Variants in NEK1 observed in about 807,000 individuals in gnomAD.
The protein encoded by NEK1 is serine/threonine-protein kinase Nek1.
A neutral mutation model predicts 182.1 loss-of-function variants in NEK1; 137 were observed. The observed-to-expected ratio is 0.75, with a 90% CI of 0.65 to 0.87. The LOEUF is 0.87. Among genes scored for constraint, NEK1 ranks in the 40% least tolerant of loss-of-function variants. The pLI is 0.00. For missense variants in NEK1, 1,391 were observed against 1,494.4 expected (o/e 0.93, Z 1.14); for synonymous variants, 513 against 492.2 (o/e 1.04, Z -0.56).
intron 23 of NEK1, among the ~76,000 whole-genome samples, chr4:169,496,574 T>C (rs1180343525): frequency 6.6e-6 from 1 of 150,798 alleles, no homozygotes; most frequent in African/African-American, 2.5e-5. Context: ...TTGAGATACG[T>C]CCCATCAATA....
At chr4:169,423,831 T>C (rs749784554) in intron 31 of NEK1, among the ~76,000 whole-genome samples, 1 of 152,166 alleles carries the variant, frequency 6.6e-6, no homozygotes, top group Non-Finnish European at 1.5e-5. Flanking sequence ...CAATGGAATA[T>C]GTAGTTATTT....
chr4:169,512,983 C>G (rs767102539), intron 19 of NEK1, among the ~76,000 whole-genome samples: 3 of 152,106 alleles, frequency 2.0e-5, no homozygotes, highest in Non-Finnish European at 4.4e-5. Flanking sequence ...CACTACTATA[C>G]TGTTTTGATT....
intron 23 of NEK1, among the ~76,000 whole-genome samples, chr4:169,487,745 T>TAG (rs1200496430): frequency 3.9e-5 from 6 of 152,226 alleles, no homozygotes; most frequent in Admixed American, 3.9e-4. Flanking sequence ...CCACACTGTC[T>TAG]TCCAAAATGG....
intron 29 of NEK1, among the ~76,000 whole-genome samples, chr4:169,433,269 A>T (rs2149409209): frequency 6.6e-6 from 1 of 152,312 alleles, no homozygotes; most frequent in South Asian, 2.1e-4. Flanking sequence ...CATGTTGGCC[A>T]GGCTGGTCTT....
intron 25 of NEK1, 38 bp from the exon 26 acceptor site, chr4:169,477,390 C>T (rs762420820): frequency 6.4e-7 from 1 of 1,560,236 alleles, no homozygotes; most frequent in Non-Finnish European, 8.7e-7. Context: ...ATATGTATAT[C>T]ATTAAGTAAA....
intron 23 of NEK1, among the ~76,000 whole-genome samples, chr4:169,504,251 G>A (rs1338953939): frequency 6.6e-6 from 1 of 152,082 alleles, no homozygotes; most frequent in Non-Finnish European, 1.5e-5. Flanking sequence ...TGGAGAAAAG[G>A]GAACCCTCTT....
At chr4:169,567,896 ATAT>A (rs141898709) in intron 12 of NEK1, among the ~76,000 whole-genome samples, 8,675 of 152,306 alleles carry the variant, frequency 0.057, 249 homozygotes, top group African/African-American at 0.073. Flanking sequence ...ATTATTCAGA[ATAT>A]TATTAACTGA....
chr4:169,433,430 T>C (rs1486813403), intron 29 of NEK1, 115 bp downstream of exon 29: 5 of 955,278 alleles, frequency 5.2e-6, no homozygotes, highest in Non-Finnish European at 6.2e-6. Flanking sequence ...GTTCCTTTTA[T>C]AAGGTATTAC....
chr4:169,503,349 A>AT (rs1443706902), intron 23 of NEK1, among the ~76,000 whole-genome samples: 2 of 151,914 alleles, frequency 1.3e-5, no homozygotes, highest in South Asian at 2.1e-4. Flanking sequence ...TACCAATGTT[A>AT]TTTTTTTGTA....
rs772991635 is a variant in NEK1 at position 169,401,676 on chromosome 4, C to T, written c.3559G>A (p.Ala1187Thr). Residue 1187 changes from alanine (A) to threonine (T), a missense_variant, in exon 33 of 36, where the codon GCC (alanine) becomes ACC (threonine). Coordinates refer to ENST00000507142, the MANE Select transcript of NEK1 (RefSeq NM_001199397.3). Reference sequence around the variant, plus strand: ...CCTGAGTGCCATTCTTCGTTCAGGGCACTTTCACTGCTGGGATTGTCATCT... The same window carrying T: ...CCTGAGTGCCATTCTTCGTTCAGGGTACTTTCACTGCTGGGATTGTCATCT... ...DEDDNPSSES[A>T]LNEEWHSDNS... 7.4e-6 allele frequency: 12 copies of T among 1,613,710 alleles called. No individual in the cohort carries two copies. In the Admixed American group the frequency reaches 2.0e-4, roughly 27 times the overall value.
chr4:169,484,036 C>G (rs1224211303), intron 23 of NEK1, among the ~76,000 whole-genome samples: 2 of 152,038 alleles, frequency 1.3e-5, no homozygotes, highest in Non-Finnish European at 2.9e-5. Context: ...AGAATAAAAA[C>G]AAGCTCCAAA....
chr4:169,554,481 T>C (rs912416859), intron 18 of NEK1: 2 of 144,568 alleles, frequency 1.4e-5, no homozygotes, highest in Admixed American at 1.4e-4. Flanking sequence ...GGGATATTAG[T>C]GTTAAGAAGA....
intron 2 of NEK1, among the ~76,000 whole-genome samples, chr4:169,607,721 C>T (rs1771614130): frequency 6.6e-6 from 1 of 152,074 alleles, no homozygotes; most frequent in Non-Finnish European, 1.5e-5. Flanking sequence ...CCTCAGCCTC[C>T]CAAAGTGCTG....
At chr4:169,436,563 T>G (rs1352909675) in intron 28 of NEK1, among the ~76,000 whole-genome samples, 1 of 152,188 alleles carries the variant, frequency 6.6e-6, no homozygotes, top group Non-Finnish European at 1.5e-5. Flanking sequence ...TAATAACTTC[T>G]GATAAAGAAC....
chr4:169,526,999 C>A (rs919218086), intron 19 of NEK1, among the ~76,000 whole-genome samples: 1 of 152,226 alleles, frequency 6.6e-6, no homozygotes, highest in East Asian at 1.9e-4. Flanking sequence ...CCCCAAAAAT[C>A]CATTTCCAGA....
intron 12 of NEK1, among the ~76,000 whole-genome samples, chr4:169,564,287 T>C (rs1763359057): frequency 6.6e-6 from 1 of 152,098 alleles, no homozygotes; most frequent in Non-Finnish European, 1.5e-5. Flanking sequence ...AAAGCAGACA[T>C]TACTTAAAAA....
intron 12 of NEK1, among the ~76,000 whole-genome samples, chr4:169,571,771 C>T (rs570024858): frequency 5.8e-4 from 88 of 152,200 alleles, no homozygotes; most frequent in African/African-American, 2.0e-3. Flanking sequence ...ACTCTGTCTC[C>T]AGGCTGGAGG....
At chr4:169,561,608 C>T in intron 15 of NEK1, 54 bp from the exon 16 acceptor site, 1 of 1,594,012 alleles carries the variant, frequency 6.3e-7, no homozygotes, top group Non-Finnish European at 8.6e-7. Context: ...ATATAAAATA[C>T]ACGTAATACA....
At position 169,589,660 on chromosome 4, in the gene NEK1, C is replaced by A. The variant is rs570909026; in HGVS notation, c.397-146G>T. Reference sequence around the variant, plus strand: ...ACATACAAAAGAATAAATGAAGTCCCCTACCTCAAATCATAAACAAAAATT... The same window carrying A: ...ACATACAAAAGAATAAATGAAGTCCACTACCTCAAATCATAAACAAAAATT... On this transcript the variant is annotated intron_variant, in intron 6 of 35. Transcript: ENST00000507142. The A allele has an allele frequency of 1.1e-4, 60 of 565,470 alleles. No individual in the cohort carries two copies. The South Asian group carries it at 1.5e-3, about 14-fold the overall frequency. The allele number at this position is 565,470 out of a possible 1,614,324, so 35.0% of individuals were successfully genotyped here.
Sources: allele counts gnomAD v4.1 joint callset (sites outside exome capture counted in the v4.1 genomes callset), GRCh38; gene constraint gnomAD v4.1.1; transcripts MANE v1.5; gene names NCBI Gene and HGNC (gene_info 2026-07-23, HGNC 2026-07-21).